LRP1B: variants seen among roughly 807,000 people sequenced by gnomAD.
LRP1B encodes the protein low-density lipoprotein receptor-related protein 1B.
LRP1B carries 217 observed loss-of-function variants against 556.6 expected under a neutral mutation model. That is an observed-to-expected ratio of 0.39 (90% CI 0.35 to 0.44). LRP1B has a LOEUF of 0.44. Ranked by LOEUF, LRP1B falls within the 20% of genes least tolerant of loss-of-function variation. The pLI, the probability that LRP1B is intolerant of heterozygous loss-of-function variation, is 1.00. For missense variants in LRP1B, 5,053 were observed against 5,620.8 expected, an observed-to-expected ratio of 0.90 and a Z score of 3.23; for synonymous variants, 2,047 against 1,865.8, an observed-to-expected ratio of 1.10 and a Z score of -2.50.
At chr2:141,415,853 G>T (rs1285314716) in intron 3 of LRP1B, among the ~76,000 whole-genome samples, 1 of 152,112 alleles carries the variant, frequency 6.6e-6, no homozygotes, top group Non-Finnish European at 1.5e-5. Flanking sequence ...AGTTCTCAAG[G>T]TGCTAAAACT....
At position 140,444,631 on chromosome 2, in the gene LRP1B, C is replaced by G. The variant is rs767661857; in HGVS notation, c.10106G>C (p.Cys3369Ser). ...PGRFQCGTGL[C>S]ALPAFICDGE... ...ATCACAGATGAAAGCTGGTAGAGCA[C>G]AGAGTCCAGTCCCACACTGAAATCG... is the stretch of plus-strand genomic sequence containing the variant. Residue 3369 changes from cysteine to serine, a missense_variant, in exon 64 of 91, where the codon TGT (cysteine) becomes TCT (serine). Coordinates refer to ENST00000389484, the MANE Select transcript of LRP1B (RefSeq NM_018557.3). The G allele has an allele frequency of 6.2e-7, 1 of 1,613,996 alleles. No individual in the cohort carries two copies.
At chr2:140,995,019 A>G (rs2380919) in intron 15 of LRP1B, among the ~76,000 whole-genome samples, 84,790 of 151,816 alleles carry the variant, frequency 0.56, 24,907 homozygotes, top group Non-Finnish European at 0.65. Flanking sequence ...AGTGAAGGGG[A>G]AAAAGCACTC....
intron 84 of LRP1B, among the ~76,000 whole-genome samples, chr2:140,291,391 G>A (rs978058460): frequency 4.1e-5 from 6 of 146,912 alleles, no homozygotes; most frequent in South Asian, 4.4e-4. Flanking sequence ...TACATGTGTC[G>A]TGTTGGTGTG....
At chr2:140,988,749 G>T (rs1327214017) in intron 17 of LRP1B, among the ~76,000 whole-genome samples, 1 of 152,136 alleles carries the variant, frequency 6.6e-6, no homozygotes, top group Non-Finnish European at 1.5e-5. Flanking sequence ...GACAGAAAGA[G>T]TTGATGGGGT....
chr2:141,006,326 A>G (rs888950462), intron 14 of LRP1B, among the ~76,000 whole-genome samples: 1 of 152,056 alleles, frequency 6.6e-6, no homozygotes, highest in African/African-American at 2.4e-5. Context: ...TTGAAACTAT[A>G]TATCATCGTT....
chr2:142,079,228 T>C (rs1705621275), intron 1 of LRP1B, among the ~76,000 whole-genome samples: 2 of 152,288 alleles, frequency 1.3e-5, no homozygotes, highest in South Asian at 2.1e-4. Flanking sequence ...TATAGGAACA[T>C]AATTTTTTCA....
intron 1 of LRP1B, among the ~76,000 whole-genome samples, chr2:141,926,597 G>C (rs1408255297): frequency 2.0e-5 from 3 of 152,070 alleles, no homozygotes; most frequent in Non-Finnish European, 4.4e-5. Context: ...TAATCTTTCA[G>C]CAAGTGTCTT....
chr2:140,716,223 T>A, intron 36 of LRP1B, 121 bp from the exon 37 acceptor site: 1 of 665,844 alleles, frequency 1.5e-6, no homozygotes, highest in South Asian at 2.8e-5. Flanking sequence ...CTTCCTACAT[T>A]CTTTTTAAAT....
intron 11 of LRP1B, among the ~76,000 whole-genome samples, chr2:141,044,314 A>G (rs1037673270): frequency 1.3e-5 from 2 of 151,644 alleles, no homozygotes; most frequent in Non-Finnish European, 2.9e-5. Flanking sequence ...AACCATAAAA[A>G]CCCTAGAAAA....
intron 1 of LRP1B, among the ~76,000 whole-genome samples, chr2:142,030,397 C>A (rs1170192775): frequency 1.3e-5 from 2 of 151,690 alleles, no homozygotes; most frequent in Admixed American, 6.6e-5. Context: ...TATTGGAGGG[C>A]TTATATATTT....
chr2:141,739,130 T>C (rs958629505), intron 2 of LRP1B, among the ~76,000 whole-genome samples: 3 of 152,008 alleles, frequency 2.0e-5, no homozygotes, highest in African/African-American at 4.8e-5. Context: ...ATAAAAACCT[T>C]AGGGGAAGAT....
chr2:140,285,495 G>A (rs1683109872), intron 84 of LRP1B, among the ~76,000 whole-genome samples: 1 of 151,424 alleles, frequency 6.6e-6, no homozygotes, highest in Admixed American at 6.6e-5. Context: ...CTAAAATATT[G>A]AGAGTCACCT....
At chr2:140,537,388 A>G (rs1679954783) in intron 45 of LRP1B, among the ~76,000 whole-genome samples, 1 of 151,800 alleles carries the variant, frequency 6.6e-6, no homozygotes, top group African/African-American at 2.4e-5. Context: ...GATGTGAATC[A>G]TCTCAGTCAA....
intron 3 of LRP1B, among the ~76,000 whole-genome samples, chr2:141,309,403 T>C (rs1348385340): frequency 6.6e-6 from 1 of 152,228 alleles, no homozygotes; most frequent in Non-Finnish European, 1.5e-5. Context: ...TGCTATGGTC[T>C]GAATACTGAC....
chr2:142,125,763 C>T (rs1253726666), intron 1 of LRP1B, among the ~76,000 whole-genome samples: 2 of 151,690 alleles, frequency 1.3e-5, no homozygotes, highest in African/African-American at 2.4e-5. Flanking sequence ...TATAGCAACT[C>T]CACAGAAGAA....
At chr2:141,649,967 G>T (rs1379739082) in intron 2 of LRP1B, among the ~76,000 whole-genome samples, 2 of 152,160 alleles carry the variant, frequency 1.3e-5, no homozygotes, top group African/African-American at 4.8e-5. Flanking sequence ...ATCATCTGAG[G>T]TCAGGAGTTT....
chr2:140,475,740 A>G (rs991836397), intron 59 of LRP1B, among the ~76,000 whole-genome samples: 3 of 151,986 alleles, frequency 2.0e-5, no homozygotes, highest in African/African-American at 7.2e-5. Context: ...AAAAGGAATT[A>G]TGGAGGTGCA....
intron 1 of LRP1B, among the ~76,000 whole-genome samples, chr2:141,858,623 T>C (rs1394913855): frequency 6.6e-6 from 1 of 151,436 alleles, no homozygotes; most frequent in Non-Finnish European, 1.5e-5. Flanking sequence ...TTTTTTAATT[T>C]GGATATTGAC....
chr2:140,621,675 A>G (rs1356316070), intron 41 of LRP1B, among the ~76,000 whole-genome samples: 1 of 152,184 alleles, frequency 6.6e-6, no homozygotes, highest in African/African-American at 2.4e-5. Context: ...ATTCTGAATT[A>G]AATCAGTAAT....
Sources: allele counts gnomAD v4.1 joint callset (sites outside exome capture counted in the v4.1 genomes callset), GRCh38; gene constraint gnomAD v4.1.1; transcripts MANE v1.5; gene names NCBI Gene and HGNC (gene_info 2026-07-23, HGNC 2026-07-21).